LIN9: variants seen among roughly 807,000 people sequenced by gnomAD.
LIN9 encodes lin-9 DREAM MuvB core complex component.
Under a neutral mutation model 78.0 loss-of-function variants are expected in LIN9, and 18 were observed. The ratio of observed to expected loss-of-function variants is 0.23; its 90% CI spans 0.16 to 0.34. LIN9 has a LOEUF of 0.34. Ranked by LOEUF, LIN9 falls within the 10% of genes least tolerant of loss-of-function variation. The pLI, the probability that LIN9 is intolerant of heterozygous loss-of-function variation, is 1.00. For synonymous variants in LIN9, 192 were observed against 215.2 expected (o/e 0.89, Z 0.94); for missense variants, 451 against 644.1 (o/e 0.70, Z 3.25).
chr1:226,281,325 A>T (rs1443400059), intron 6 of LIN9, among the ~76,000 whole-genome samples: 1 of 152,170 alleles, frequency 6.6e-6, no homozygotes, highest in Non-Finnish European at 1.5e-5. Context: ...ACAAAAATAT[A>T]GTGAGATAGA....
At chr1:226,259,718 T>C (rs1659443338) in intron 10 of LIN9, among the ~76,000 whole-genome samples, 1 of 152,046 alleles carries the variant, frequency 6.6e-6, no homozygotes, top group Non-Finnish European at 1.5e-5. Context: ...AAAAATATTC[T>C]GAACTAGATA....
At chr1:226,273,434 C>G (rs1660436014) in intron 7 of LIN9, among the ~76,000 whole-genome samples, 1 of 151,856 alleles carries the variant, frequency 6.6e-6, no homozygotes, top group African/African-American at 2.4e-5. Context: ...TTTGTAGAAA[C>G]AGTGTTTCAC....
chr1:226,306,154 G>C (rs11579072), intron 1 of LIN9, among the ~76,000 whole-genome samples: 1 of 151,592 alleles, frequency 6.6e-6, no homozygotes, highest in African/African-American at 2.4e-5. Context: ...GTGAAACCCC[G>C]CCTCTACTAA....
intron 6 of LIN9, among the ~76,000 whole-genome samples, chr1:226,279,995 T>C (rs981406856): frequency 2.6e-5 from 4 of 152,102 alleles, no homozygotes; most frequent in Admixed American, 2.0e-4. Context: ...CAAAAGAACA[T>C]GATATTTTCT....
Position 226,267,968 on chromosome 1 carries a change from A to T in LIN9, c.805T>A (p.Tyr269Asn). 2 of 1,613,074 alleles carry T rather than the reference A, an allele frequency of 1.2e-6. No individual in the cohort carries two copies. The highest frequency in any genetic ancestry group is 1.7e-6 in the Non-Finnish European group (2 of 1,179,542). ...TGLGTHTIPD[Y>N]EVLSNEPHET... ...GAAATACTACTTACGAGAACTTCAT[A>T]GTCAGGGATGGTATGGGTTCCAAGC... Residue 269 changes from tyrosine (Y) to asparagine (N), a missense_variant, in exon 8 of 15, where the codon TAT becomes AAT. Physicochemically the swap from Tyr to Asn is moderately radical, Grantham distance 143. Coordinates refer to ENST00000681046, the MANE Select transcript of LIN9 (RefSeq NM_001366245.2).
Position 226,281,228 on chromosome 1 carries a change from G to A in LIN9, c.525-3296C>T, listed in dbSNP as rs564446335. On this transcript the variant is annotated intron_variant, in intron 6 of 14. Coordinates refer to ENST00000681046, the MANE Select transcript of LIN9 (RefSeq NM_001366245.2). ...GGAAACTAAAAATGTGGATCTCATG[G>A]AGGTAGAAATTATTAATAGAATGGT... Among the ~76,000 whole-genome samples the A allele has an allele frequency of 8.5e-5, 13 of 152,204 alleles. No individual in the cohort carries two copies. In the East Asian group the frequency reaches 1.2e-3, roughly 14 times the overall value.
intron 7 of LIN9, among the ~76,000 whole-genome samples, chr1:226,272,105 G>A (rs966986942): frequency 1.3e-5 from 2 of 148,674 alleles, no homozygotes; most frequent in Admixed American, 6.8e-5. Flanking sequence ...CTAGAGTGCA[G>A]AGTACAGTGG....
chr1:226,265,761 C>A lies in LIN9; in HGVS notation c.937-127G>T. ...ACTTGTGATCTCGGCTCACTGCAAT[C>A]TCTGACTCCTGGGTTCAAGCGATTC... On this transcript the variant is annotated intron_variant, in intron 9 of 14. Coordinates refer to ENST00000681046, the MANE Select transcript of LIN9 (RefSeq NM_001366245.2). This position sits in a 1 kb window ranked among gnomAD's most constrained non-coding sequence, Gnocchi z 4.1. 1.9e-6 allele frequency: 1 copy of A among 531,756 alleles called. No homozygotes were observed. The highest frequency in any genetic ancestry group is 3.3e-6 in the Non-Finnish European group (1 of 301,292). 32.9% of individuals were successfully genotyped at this position (531,756 alleles called of 1,614,324 possible).
intron 2 of LIN9, among the ~76,000 whole-genome samples, chr1:226,298,629 G>A (rs1469264639): frequency 6.6e-6 from 1 of 152,220 alleles, no homozygotes; most frequent in Non-Finnish European, 1.5e-5. Flanking sequence ...GGGAGGCCGA[G>A]GTGGGTGGAT....
At chr1:226,284,674 A>C (rs1661290243) in intron 6 of LIN9, among the ~76,000 whole-genome samples, 1 of 152,324 alleles carries the variant, frequency 6.6e-6, no homozygotes, top group East Asian at 1.9e-4. Context: ...CAGTAAGCCG[A>C]GATCACGCCA....
intron 12 of LIN9, among the ~76,000 whole-genome samples, chr1:226,237,919 C>T (rs554871853): frequency 7.8e-4 from 117 of 149,566 alleles, no homozygotes; most frequent in African/African-American, 2.6e-3. Context: ...TGCCACTGCA[C>T]TCCAGCCTGG....
At chr1:226,264,087 T>C (rs1355708504) in intron 10 of LIN9, among the ~76,000 whole-genome samples, 2 of 150,846 alleles carry the variant, frequency 1.3e-5, no homozygotes, top group South Asian at 2.1e-4. Context: ...AACAAACAAA[T>C]AAATAAATAA....
intron 7 of LIN9, among the ~76,000 whole-genome samples, chr1:226,274,551 TA>T (rs1028545430): frequency 2.0e-5 from 3 of 152,230 alleles, no homozygotes; most frequent in African/African-American, 7.2e-5. Context: ...TAATATTTTT[TA>T]TGTGCATCGG....
rs571676592 is a variant in LIN9, at chr1:226,292,215, T to C, written c.264+3627A>G. On this transcript the variant is annotated intron_variant, in intron 4 of 14. Coordinates refer to ENST00000681046, the MANE Select transcript of LIN9 (RefSeq NM_001366245.2). ...TCACTCTGTCACCCAGGCTGGAGTGTAGTGGCGCAATTTCGGCTCACTGCA... is the reference window on the plus strand; with the variant it reads ...TCACTCTGTCACCCAGGCTGGAGTGCAGTGGCGCAATTTCGGCTCACTGCA... Among the ~76,000 whole-genome samples, 38 of 152,038 alleles carry C rather than the reference T, an allele frequency of 2.5e-4. No homozygotes were observed. In the South Asian group the frequency reaches 2.9e-3, roughly 12 times the overall value.
intron 7 of LIN9, among the ~76,000 whole-genome samples, chr1:226,273,905 T>G (rs1660469707): frequency 6.6e-6 from 1 of 150,884 alleles, no homozygotes; most frequent in Admixed American, 6.7e-5. Flanking sequence ...TGGCGCAATC[T>G]CGGCTCACTG....
At chr1:226,294,902 C>T (rs887931931) in intron 4 of LIN9, among the ~76,000 whole-genome samples, 17 of 151,300 alleles carry the variant, frequency 1.1e-4, no homozygotes, top group Admixed American at 4.0e-4. Flanking sequence ...TGGGTTCAAA[C>T]GATTCTCATG....
chr1:226,258,588 A>G (rs898950919), intron 10 of LIN9, among the ~76,000 whole-genome samples: 1 of 151,742 alleles, frequency 6.6e-6, no homozygotes, highest in African/African-American at 2.4e-5. Context: ...AAAAGGTGTC[A>G]GGAATAAAAA....
In LIN9 at chr1:226,233,326, A is replaced by G. The variant is rs1446474284; in HGVS notation, c.1425+18T>C. On this transcript the variant is annotated intron_variant, in intron 13 of 14. Transcript: ENST00000681046. ...TTGCTTTGTGTCAAATTAAGAAAAT[A>G]TTTTCTCTAAGATTTACCTTAATTT... The G allele has an allele frequency of 3.1e-6, 5 of 1,588,692 alleles. No homozygotes were observed. The highest frequency in any genetic ancestry group is 2.7e-5 in the African/African-American group (2 of 73,838).
At chr1:226,239,128 G>T in intron 11 of LIN9, 32 bp from the exon 12 acceptor site, 1 of 1,605,620 alleles carries the variant, frequency 6.2e-7, no homozygotes, top group South Asian at 1.1e-5. Flanking sequence ...ATCTTGGTAA[G>T]AGTTTGTTTT....
Sources: gnomAD v4.1 joint callset for allele counts (sites outside exome capture counted in the v4.1 genomes callset) on GRCh38, gnomAD v4.1.1 for gene constraint, Gnocchi (gnomAD v3.1) non-coding constraint, MANE v1.5 for transcripts, NCBI Gene and HGNC (gene_info 2026-07-23, HGNC 2026-07-21) for gene names.